CSMD1: variants seen among roughly 807,000 people sequenced by gnomAD.
CSMD1 encodes the protein CUB and sushi domain-containing protein 1.
Under a neutral mutation model 417.5 loss-of-function variants are expected in CSMD1, and 213 were observed. The ratio of observed to expected loss-of-function variants is 0.51; its 90% CI spans 0.46 to 0.57. CSMD1 has a LOEUF of 0.57. Ranked by LOEUF, CSMD1 falls within the 20% of genes least tolerant of loss-of-function variation. The probability of loss-of-function intolerance (pLI) is 0.00; values close to 1 mark genes in which losing one functional copy is unlikely to be tolerated. For synonymous variants in CSMD1, 2,862 were observed against 1,736.8 expected, an observed-to-expected ratio of 1.65 and a Z score of -16.11; for missense variants, 6,923 against 4,529.7, an observed-to-expected ratio of 1.53 and a Z score of -15.17.
intron 12 of CSMD1, among the ~76,000 whole-genome samples, chr8:3,428,029 G>A (rs749685357): frequency 4.6e-5 from 7 of 152,156 alleles, no homozygotes; most frequent in Admixed American, 2.0e-4. Context: ...TTGTCAAATT[G>A]CATTATCTGC....
intron 7 of CSMD1, among the ~76,000 whole-genome samples, chr8:3,620,743 A>G (rs1472502395): frequency 6.6e-6 from 1 of 152,226 alleles, no homozygotes; most frequent in Non-Finnish European, 1.5e-5. Context: ...GTAATGGGAC[A>G]AAGGAGGGAC....
At chr8:3,609,548 G>C (rs1440902997) in intron 8 of CSMD1, among the ~76,000 whole-genome samples, 1 of 151,986 alleles carries the variant, frequency 6.6e-6, no homozygotes, top group Non-Finnish European at 1.5e-5. Context: ...CAAGAACCCA[G>C]AATAATACTA....
intron 7 of CSMD1, among the ~76,000 whole-genome samples, chr8:3,629,993 T>C (rs1239283501): frequency 6.6e-6 from 1 of 152,238 alleles, no homozygotes; most frequent in South Asian, 2.1e-4. Flanking sequence ...TTGACGTATA[T>C]TTGAACAGGC....
chr8:3,845,105 G>C (rs1156835221), intron 5 of CSMD1, among the ~76,000 whole-genome samples: 1 of 152,186 alleles, frequency 6.6e-6, no homozygotes, highest in Non-Finnish European at 1.5e-5. Context: ...TTAGAAGCAA[G>C]AAGTATCAAC....
At chr8:4,111,558 G>A (rs995240741) in intron 3 of CSMD1, among the ~76,000 whole-genome samples, 17 of 152,184 alleles carry the variant, frequency 1.1e-4, no homozygotes, top group African/African-American at 2.7e-4. Context: ...AGAAAATGCA[G>A]TTCACATACA....
chr8:3,071,342 G>A (rs1321814586), intron 49 of CSMD1, among the ~76,000 whole-genome samples: 2 of 152,070 alleles, frequency 1.3e-5, no homozygotes, highest in African/African-American at 4.8e-5. Flanking sequence ...CACACACCGG[G>A]GCCCATCACG....
At chr8:3,290,124 A>T (rs2117271055) in intron 25 of CSMD1, among the ~76,000 whole-genome samples, 1 of 146,940 alleles carries the variant, frequency 6.8e-6, no homozygotes, top group Non-Finnish European at 1.5e-5. Context: ...TTTGTCAAAG[A>T]TCAGATAGTT....
In CSMD1 at chr8:4,664,654, A is replaced by G. The variant is rs183199571; in HGVS notation, c.86-27096T>C. On this transcript the variant is annotated intron_variant, in intron 1 of 69. Coordinates refer to ENST00000635120, the MANE Select transcript of CSMD1 (RefSeq NM_033225.6). ...GTTCTCAGATTGTCACGTCAAATTC[A>G]CATGTGCTTATTATTATAACAGGTT... 4.1e-3 allele frequency among the ~76,000 whole-genome samples: 622 copies of G among 152,328 alleles called. 7 individuals are homozygous for G. The highest frequency in any genetic ancestry group is 0.014 in the African/African-American group (566 of 41,578).
chr8:4,582,402 C>T (rs760588348), intron 2 of CSMD1, among the ~76,000 whole-genome samples: 42 of 152,138 alleles, frequency 2.8e-4, no homozygotes, highest in Non-Finnish European at 7.4e-5. Context: ...ATTATCAGGG[C>T]TGCAACAACT....
intron 5 of CSMD1, among the ~76,000 whole-genome samples, chr8:3,966,732 G>GAC (rs34929035): frequency 0.024 from 3,525 of 149,098 alleles, 60 homozygotes; most frequent in African/African-American, 0.043. Flanking sequence ...CACACACACA[G>GAC]ACACACACAC....
intron 3 of CSMD1, among the ~76,000 whole-genome samples, chr8:4,040,800 A>G (rs886082832): frequency 1.3e-5 from 2 of 152,206 alleles, no homozygotes; most frequent in Non-Finnish European, 2.9e-5. Context: ...GATTTTCAAA[A>G]GATTTTTAAT....
At chr8:4,837,042 G>C (rs570203471) in intron 1 of CSMD1, among the ~76,000 whole-genome samples, 3 of 149,120 alleles carry the variant, frequency 2.0e-5, no homozygotes, top group African/African-American at 5.1e-5. Context: ...TTGTTGTTAA[G>C]AGACCACCCA....
At chr8:4,420,961 G>A (rs1053221696) in intron 2 of CSMD1, among the ~76,000 whole-genome samples, 1 of 152,074 alleles carries the variant, frequency 6.6e-6, no homozygotes, top group Non-Finnish European at 1.5e-5. Context: ...CAATTCACGG[G>A]GATCTTCAAC....
chr8:3,029,502 G>A lies in CSMD1; in HGVS notation c.7672C>T (p.Pro2558Ser). Residue 2558 changes from proline (P) to serine (S), a missense_variant, in exon 51 of 70, where the codon CCC (proline) becomes TCC (serine). Coordinates refer to ENST00000635120, the MANE Select transcript of CSMD1 (RefSeq NM_033225.6). ...KPPTCKPVAC[P>S]SIEAQLSEHV... ...TCTGAGAGCTGAGCTTCAATGCTGG[G>A]GCAAGCGACCGCTGGAAGGGAAACG... The A allele has an allele frequency of 1.3e-6, 2 of 1,596,182 alleles. No individual in the cohort carries two copies. Among genetic ancestry groups the A allele is most frequent in the Non-Finnish European group, 8.5e-7 (1 of 1,171,264 alleles).
At chr8:4,148,127 C>G (rs1400597331) in intron 3 of CSMD1, among the ~76,000 whole-genome samples, 2 of 152,088 alleles carry the variant, frequency 1.3e-5, no homozygotes, top group African/African-American at 4.8e-5. Flanking sequence ...GCGTGACATG[C>G]TCTGGGTGAA....
At chr8:4,158,029 T>C (rs1483082292) in intron 3 of CSMD1, among the ~76,000 whole-genome samples, 5 of 151,982 alleles carry the variant, frequency 3.3e-5, no homozygotes, top group East Asian at 1.9e-4. Flanking sequence ...ACGGAACCAA[T>C]GCCTGCTCAA....
chr8:4,398,081 G>C (rs1216126281), intron 3 of CSMD1, among the ~76,000 whole-genome samples: 4 of 152,172 alleles, frequency 2.6e-5, no homozygotes, highest in South Asian at 4.1e-4. Context: ...TACTTTATCA[G>C]TCAAGGAAGA....
chr8:3,460,524 T>C (rs1255955808), intron 12 of CSMD1, among the ~76,000 whole-genome samples: 2 of 152,046 alleles, frequency 1.3e-5, no homozygotes, highest in African/African-American at 2.4e-5. Flanking sequence ...TAGAAGAGTT[T>C]AGTAGCGGGG....
At position 4,213,012 on chromosome 8, in the gene CSMD1, T is replaced by A. The variant is rs140558760; in HGVS notation, c.416-180913A>T. Among the ~76,000 whole-genome samples the A allele has an allele frequency of 4.8e-3, 738 of 152,248 alleles. 2 individuals carry two copies. The highest frequency in any genetic ancestry group is 0.017 in the Middle Eastern group (5 of 294). On this transcript the variant is annotated intron_variant, in intron 3 of 69. Coordinates refer to ENST00000635120, the MANE Select transcript of CSMD1 (RefSeq NM_033225.6). ...TCATGTTGCCTCTCAGTCTTTGTTT[T>A]CTTATTTTTAAAACTGAGTTACTAA...
Sources: gnomAD v4.1 joint callset for allele counts (sites outside exome capture counted in the v4.1 genomes callset) on GRCh38, gnomAD v4.1.1 for gene constraint, MANE v1.5 for transcripts, NCBI Gene and HGNC (gene_info 2026-07-23, HGNC 2026-07-21) for gene names.